Variants in MAGI1 observed in about 807,000 individuals in gnomAD.
MAGI1 encodes the protein membrane associated guanylate kinase, WW and PDZ domain containing 1.
MAGI1 carries 58 observed loss-of-function variants against 139.9 expected under a neutral mutation model. That is an observed-to-expected ratio of 0.41 (90% CI 0.34 to 0.52). The LOEUF is 0.52. MAGI1 is among the 20% of genes least tolerant of loss of function. MAGI1 has a pLI of 0.12. For missense variants in MAGI1, 1,874 were observed against 1,901.6 expected (o/e 0.99, Z 0.27); for synonymous variants, 812 against 737.9 (o/e 1.10, Z -1.63).
chr3:65,899,306 G>T (rs2061118189), intron 1 of MAGI1, among the ~76,000 whole-genome samples: 1 of 152,178 alleles, frequency 6.6e-6, no homozygotes, highest in South Asian at 2.1e-4. Flanking sequence ...TGAGGATTCA[G>T]CTCCAGGAAA....
At chr3:65,597,870 C>A in intron 2 of MAGI1, 1 of 456,012 alleles carries the variant, frequency 2.2e-6, no homozygotes, top group South Asian at 1.5e-5. Context: ...AGCCTGAAAC[C>A]GCCTCCCACC....
At chr3:65,511,725 T>C (rs1192144346) in intron 2 of MAGI1, among the ~76,000 whole-genome samples, 2 of 150,038 alleles carry the variant, frequency 1.3e-5, no homozygotes, top group Non-Finnish European at 3.0e-5. Context: ...AACACCCCAC[T>C]GTCAACATTA....
At chr3:65,515,275 A>G (rs1037003531) in intron 2 of MAGI1, among the ~76,000 whole-genome samples, 24 of 151,800 alleles carry the variant, frequency 1.6e-4, no homozygotes, top group Middle Eastern at 6.8e-3. Context: ...TAACCTGCAC[A>G]ATGTGCACAT....
At chr3:65,481,922 A>C (rs966885225) in intron 3 of MAGI1, among the ~76,000 whole-genome samples, 1 of 152,218 alleles carries the variant, frequency 6.6e-6, no homozygotes, top group Admixed American at 6.5e-5. Context: ...AAAACAATCC[A>C]CTTGTTCACA....
chr3:65,753,697 CAAA>C (rs35459634), intron 1 of MAGI1, among the ~76,000 whole-genome samples: 34 of 104,166 alleles, frequency 3.3e-4, no homozygotes, highest in Non-Finnish European at 2.0e-4. Context: ...AACTCCATCT[CAAA>C]AAAAAAAAAA....
chr3:65,691,337 G>A (rs534047978), intron 1 of MAGI1, among the ~76,000 whole-genome samples: 1 of 145,618 alleles, frequency 6.9e-6, no homozygotes, highest in African/African-American at 2.5e-5. Flanking sequence ...GAAAAAAGGG[G>A]TTTCAGAGCA....
chr3:65,693,501 G>T (rs1261330555), intron 1 of MAGI1, among the ~76,000 whole-genome samples: 1 of 152,086 alleles, frequency 6.6e-6, no homozygotes. Context: ...AGATTCTAAA[G>T]ACACTGGAAA....
chr3:65,481,608 T>G (rs1383721424), intron 3 of MAGI1, among the ~76,000 whole-genome samples: 1 of 152,242 alleles, frequency 6.6e-6, no homozygotes. Context: ...AAACTTCTAC[T>G]GAAAGATGTG....
chr3:65,528,994 T>C (rs2078512429), intron 2 of MAGI1, among the ~76,000 whole-genome samples: 2 of 152,262 alleles, frequency 1.3e-5, no homozygotes, highest in South Asian at 4.1e-4. Context: ...TACAGTGAGC[T>C]GAGACTGCAC....
chr3:65,618,639 A>G (rs1036401331), intron 2 of MAGI1, among the ~76,000 whole-genome samples: 5 of 152,068 alleles, frequency 3.3e-5, no homozygotes, highest in African/African-American at 9.7e-5. Flanking sequence ...ATAACACCCA[A>G]CTTGAGAGTT....
At chr3:65,518,261 T>A (rs1279368311) in intron 2 of MAGI1, among the ~76,000 whole-genome samples, 2 of 152,200 alleles carry the variant, frequency 1.3e-5, no homozygotes, top group Admixed American at 1.3e-4. Flanking sequence ...TGCATAAGTC[T>A]ACCACGGCAC....
At chr3:65,928,700 TC>T (rs2062646105) in intron 1 of MAGI1, among the ~76,000 whole-genome samples, 1 of 152,080 alleles carries the variant, frequency 6.6e-6, no homozygotes, top group African/African-American at 2.4e-5. Flanking sequence ...AGAAAATGGG[TC>T]AATGCCTTCT....
chr3:65,511,656 A>G (rs2107755191), intron 2 of MAGI1, among the ~76,000 whole-genome samples: 1 of 144,532 alleles, frequency 6.9e-6, no homozygotes, highest in Admixed American at 7.1e-5. Context: ...TTCATAAAGC[A>G]AGTCCTGAGT....
At chr3:65,476,586 C>T (rs901618717) in intron 4 of MAGI1, among the ~76,000 whole-genome samples, 5 of 152,084 alleles carry the variant, frequency 3.3e-5, no homozygotes, top group African/African-American at 9.7e-5. Flanking sequence ...CTTCTTTCTA[C>T]CAAAAAATCT....
At position 65,509,837 on chromosome 3, in the gene MAGI1, C is replaced by T. The variant is rs2077489018; in HGVS notation, c.431-16206G>A. Among the ~76,000 whole-genome samples, 6 of 152,224 alleles carry T rather than the reference C, an allele frequency of 3.9e-5. No homozygotes were observed. The South Asian group carries it at 1.2e-3, about 32-fold the overall frequency. On this transcript the variant is annotated intron_variant, in intron 2 of 22. Transcript: ENST00000402939. Reference sequence around the variant, plus strand: ...GAGGCCTGCCTGCCTCTGTAGGCTCCACCTCTGGGGGCAGGGCACAGACAA... The same window carrying T: ...GAGGCCTGCCTGCCTCTGTAGGCTCTACCTCTGGGGGCAGGGCACAGACAA...
intron 1 of MAGI1, among the ~76,000 whole-genome samples, chr3:65,906,455 A>G (rs957012455): frequency 6.6e-6 from 1 of 152,234 alleles, no homozygotes; most frequent in Admixed American, 6.5e-5. Context: ...TTCTTTTCCC[A>G]GGGGATATCA....
intron 2 of MAGI1, among the ~76,000 whole-genome samples, chr3:65,563,004 G>T (rs2080434652): frequency 6.6e-6 from 1 of 152,182 alleles, no homozygotes; most frequent in South Asian, 2.1e-4. Context: ...GGGCTTATTT[G>T]AAACACAGTG....
chr3:65,896,365 T>C (rs887434524), intron 1 of MAGI1, among the ~76,000 whole-genome samples: 2 of 150,638 alleles, frequency 1.3e-5, no homozygotes, highest in Non-Finnish European at 2.9e-5. Flanking sequence ...GACAATTTAG[T>C]TATATGTGGT....
chr3:65,818,306 T>A (rs1051433878), intron 1 of MAGI1, among the ~76,000 whole-genome samples: 2 of 152,142 alleles, frequency 1.3e-5, no homozygotes, highest in Non-Finnish European at 2.9e-5. Context: ...GAGGCTCCAT[T>A]TGCCAAGCAC....
Sources: gnomAD v4.1 joint callset for allele counts (sites outside exome capture counted in the v4.1 genomes callset) on GRCh38, gnomAD v4.1.1 for gene constraint, MANE v1.5 for transcripts, NCBI Gene and HGNC (gene_info 2026-07-23, HGNC 2026-07-21) for gene names.